MVB12B: variants seen among roughly 807,000 people sequenced by gnomAD.
MVB12B encodes the protein multivesicular body subunit 12B.
MVB12B carries 16 observed loss-of-function variants against 41.6 expected under a neutral mutation model. That is an observed-to-expected ratio of 0.38 (90% CI 0.26 to 0.58). MVB12B has a LOEUF of 0.58. Among genes scored for constraint, MVB12B ranks in the 20% least tolerant of loss-of-function variants. MVB12B has a pLI of 0.62. For synonymous variants in MVB12B, 133 were observed against 139.7 expected (o/e 0.95, Z 0.34); for missense variants, 274 against 380.2 (o/e 0.72, Z 2.32).
intron 7 of MVB12B, among the ~76,000 whole-genome samples, chr9:126,479,771 CTG>C (rs1833488300): frequency 6.6e-6 from 1 of 152,236 alleles, no homozygotes; most frequent in African/African-American, 2.4e-5. Flanking sequence ...GCCACCTGTG[CTG>C]TGTCTTTTTC....
chr9:126,439,860 A>G (rs933549137), intron 7 of MVB12B, among the ~76,000 whole-genome samples: 5 of 152,242 alleles, frequency 3.3e-5, no homozygotes. Flanking sequence ...TCTAATTTTA[A>G]TCTTCAAAAT....
At chr9:126,428,753 CGGGTGAGTGTGTGGGCT>C (rs1422341221) in intron 7 of MVB12B, among the ~76,000 whole-genome samples, 2 of 152,104 alleles carry the variant, frequency 1.3e-5, no homozygotes, top group African/African-American at 4.8e-5. Flanking sequence ...TCCCTGTGCT[CGGGTGAGTGTGTGGGCT>C]GAGTGAGTGT....
At chr9:126,347,317 G>A (rs1307325415) in intron 2 of MVB12B, among the ~76,000 whole-genome samples, 1 of 152,242 alleles carries the variant, frequency 6.6e-6, no homozygotes, top group Non-Finnish European at 1.5e-5. Context: ...ACATGGGCCA[G>A]CTGCCCTGGG....
intron 7 of MVB12B, among the ~76,000 whole-genome samples, chr9:126,422,592 C>T (rs1022667930): frequency 2.6e-5 from 4 of 152,156 alleles, no homozygotes; most frequent in African/African-American, 7.2e-5. Flanking sequence ...CCCACAAACT[C>T]GCCTCCGATT....
Position 126,504,232 on chromosome 9 carries a change from C to T in MVB12B, c.*969C>T, listed in dbSNP as rs902695509. 6.6e-6 allele frequency: 1 copy of T among 152,260 alleles called. No homozygotes were observed. The highest frequency in any genetic ancestry group is 2.4e-5 in the African/African-American group (1 of 41,472). The allele number at this position is 152,260 out of a possible 1,614,324, so 9.4% of individuals were successfully genotyped here. Reference sequence around the variant, plus strand: ...TCTGACCCAGGTCACCAAATTTGGGCCAGAACTGGCACTTCCGAGTGCCCA... The same window carrying T: ...TCTGACCCAGGTCACCAAATTTGGGTCAGAACTGGCACTTCCGAGTGCCCA... On this transcript the variant is annotated 3_prime_UTR_variant, in exon 10 of 10. Transcript: ENST00000361171.
intron 7 of MVB12B, among the ~76,000 whole-genome samples, chr9:126,458,317 C>T (rs1833026140): frequency 6.6e-6 from 1 of 152,174 alleles, no homozygotes; most frequent in African/African-American, 2.4e-5. Context: ...CCCCTAGGAA[C>T]CCTGTCAGGC....
intron 9 of MVB12B, among the ~76,000 whole-genome samples, chr9:126,502,566 G>A (rs961189942): frequency 7.9e-5 from 12 of 152,048 alleles, no homozygotes; most frequent in Non-Finnish European, 1.3e-4. Flanking sequence ...CCCTGGCCCC[G>A]CTGTGGCCTG....
At chr9:126,451,140 G>T (rs917812732) in intron 7 of MVB12B, among the ~76,000 whole-genome samples, 1 of 152,200 alleles carries the variant, frequency 6.6e-6, no homozygotes, top group Non-Finnish European at 1.5e-5. Flanking sequence ...GGCAGGCTGA[G>T]TATTCCCAGC....
chr9:126,346,642 G>A (rs2118844309), intron 2 of MVB12B, among the ~76,000 whole-genome samples: 1 of 152,274 alleles, frequency 6.6e-6, no homozygotes, highest in South Asian at 2.1e-4. Flanking sequence ...GCTTGTCTAG[G>A]GAGGGTTGTG....
chr9:126,471,793 A>G (rs1833319500), intron 7 of MVB12B, among the ~76,000 whole-genome samples: 1 of 152,180 alleles, frequency 6.6e-6, no homozygotes, highest in South Asian at 2.1e-4. Flanking sequence ...GGTACACAGA[A>G]TTAAAGGCCT....
rs1200585713 is a variant in MVB12B at position 126,376,381 on chromosome 9, C to A, written c.205-4683C>A. The A allele has an allele frequency of 3.3e-6, 2 of 609,362 alleles. No homozygotes were observed. The allele number at this position is 609,362 out of a possible 1,614,324, so 37.7% of individuals were successfully genotyped here. A position where few individuals can be genotyped will look rare whatever the true frequency, so the allele number is the denominator to read the frequency against. The stretch of plus-strand genomic sequence containing the variant: ...AAGCTCCCTTTTTTCTATTTTGGGC[C>A]CTTCTGTCATGTCTGAGCCTGTCCC... On this transcript the variant is annotated intron_variant, in intron 2 of 9. Coordinates refer to ENST00000361171, the MANE Select transcript of MVB12B (RefSeq NM_033446.3). This position sits in a 1 kb window ranked among gnomAD's most constrained non-coding sequence, Gnocchi z 4.1.
At position 126,340,606 on chromosome 9, in the gene MVB12B, C is replaced by A. The variant is rs779537062; in HGVS notation, c.180C>A (p.Asn60Lys). 1.1e-5 allele frequency: 17 copies of A among 1,614,048 alleles called. No homozygotes were observed. The highest frequency in any genetic ancestry group is 1.4e-5 in the Non-Finnish European group (16 of 1,180,006). ...GAGTCGGGGTGGTGGCTTCTCGGAACCGAGCCCCGACAGGCTATGACGTAG... is the reference window on the plus strand; with the variant it reads ...GAGTCGGGGTGGTGGCTTCTCGGAAACGAGCCCCGACAGGCTATGACGTAG... ...ITGVGVVASR[N>K]RAPTGYDVVA... Residue 60 changes from asparagine to lysine, a missense_variant, in exon 2 of 10, where the codon AAC becomes AAA. Asn to Lys is a moderately conservative substitution (Grantham distance 94). Transcript: ENST00000361171. The surrounding 1 kb of genome is among the most constrained non-coding windows in gnomAD (Gnocchi z 4.0).
At chr9:126,404,677 TG>T (rs59585785) in intron 6 of MVB12B, among the ~76,000 whole-genome samples, 17,443 of 152,260 alleles carry the variant, frequency 0.11, 1,077 homozygotes, top group African/African-American at 0.14. Flanking sequence ...CTTTGGCCGG[TG>T]TCCAGCACAC....
At chr9:126,471,682 T>G (rs1254009457) in intron 7 of MVB12B, among the ~76,000 whole-genome samples, 1 of 152,092 alleles carries the variant, frequency 6.6e-6, no homozygotes, top group Non-Finnish European at 1.5e-5. Context: ...GTTGTTGGCG[T>G]TTTCCCCATT....
chr9:126,498,910 G>A (rs981166340), intron 9 of MVB12B, among the ~76,000 whole-genome samples: 1 of 152,164 alleles, frequency 6.6e-6, no homozygotes, highest in Admixed American at 6.5e-5. Context: ...AAAAATGCTG[G>A]TGTCCCCGTG....
intron 2 of MVB12B, among the ~76,000 whole-genome samples, chr9:126,370,517 G>C (rs1830307165): frequency 6.6e-6 from 1 of 151,710 alleles, no homozygotes; most frequent in African/African-American, 2.4e-5. Flanking sequence ...GAGTAGCTGG[G>C]ATTGCAGGCG....
chr9:126,423,075 G>T (rs1426522373), intron 7 of MVB12B, among the ~76,000 whole-genome samples: 1 of 152,216 alleles, frequency 6.6e-6, no homozygotes, highest in East Asian at 1.9e-4. Flanking sequence ...TCGACAAGGA[G>T]CATAACAAGT....
chr9:126,429,009 G>C (rs570004806), intron 7 of MVB12B, among the ~76,000 whole-genome samples: 10 of 152,172 alleles, frequency 6.6e-5, no homozygotes, highest in South Asian at 2.1e-4. Context: ...GTGGGTGAGC[G>C]TATGGGAGGG....
In MVB12B at chr9:126,480,517, G is replaced by A. The variant is rs547424944; in HGVS notation, c.758-852G>A. On this transcript the variant is annotated intron_variant, in intron 7 of 9. Transcript: ENST00000361171. This position sits in a 1 kb window ranked among gnomAD's most constrained non-coding sequence, Gnocchi z 4.9. ...TTTCTGTCCGTGTGCTTTTGAAAGC[G>A]ATCCCCTGGGACAGGGCGGAGGGAG... is the stretch of plus-strand genomic sequence containing the variant. Among the ~76,000 whole-genome samples the A allele has an allele frequency of 2.6e-5, 4 of 152,294 alleles. No homozygotes were observed. The highest frequency in any genetic ancestry group is 2.1e-4 in the South Asian group (1 of 4,830).
Sources: allele counts gnomAD v4.1 joint callset (sites outside exome capture counted in the v4.1 genomes callset), GRCh38; gene constraint gnomAD v4.1.1; non-coding constraint Gnocchi (gnomAD v3.1); transcripts MANE v1.5; gene names NCBI Gene and HGNC (gene_info 2026-07-23, HGNC 2026-07-21).